Variants in COL6A5 observed in about 807,000 individuals in gnomAD.
The protein encoded by COL6A5 is collagen alpha-5(VI) chain.
A neutral mutation model predicts 65.6 loss-of-function variants in COL6A5; 48 were observed. The observed-to-expected ratio is 0.73, with a 90% CI of 0.58 to 0.93. The LOEUF (loss-of-function observed/expected upper bound fraction) is 0.93. Ranked by LOEUF, COL6A5 falls within the 40% of genes least tolerant of loss-of-function variation. The pLI is 0.00. For missense variants in COL6A5, 914 were observed against 928.3 expected, an observed-to-expected ratio of 0.98 and a Z score of 0.20; for synonymous variants, 291 against 322.8, an observed-to-expected ratio of 0.90 and a Z score of 1.05.
intron 1 of COL6A5, among the ~76,000 whole-genome samples, chr3:130,438,728 C>T (rs1709097616): frequency 6.6e-6 from 1 of 152,144 alleles, no homozygotes; most frequent in Admixed American, 6.5e-5. Flanking sequence ...GGAGAGATAG[C>T]CTCCTCACCA....
chr3:130,393,810 C>T (rs970733854), intron 7 of COL6A5, among the ~76,000 whole-genome samples: 8 of 152,198 alleles, frequency 5.3e-5, no homozygotes, highest in Admixed American at 1.3e-4. Context: ...AACTCCCTTC[C>T]CACTTAGTGC....
rs192078755 is a variant in COL6A5, at chr3:130,450,841, A to T, written c.1333-4614A>T. Among the ~76,000 whole-genome samples the T allele has an allele frequency of 3.9e-5, 6 of 152,276 alleles. No individual in the cohort carries two copies. The East Asian group carries it at 1.2e-3, about 30-fold the overall frequency. Reference sequence around the variant, plus strand: ...TTGTTACTTGTTCTGTGGTGAGGGCATCAAAGTTTAATTGGGCATAAGTAT... The same window carrying T: ...TTGTTACTTGTTCTGTGGTGAGGGCTTCAAAGTTTAATTGGGCATAAGTAT... On this transcript the variant is annotated intron_variant, in intron 4 of 7. Transcript: ENST00000512836.
intron 1 of COL6A5, among the ~76,000 whole-genome samples, chr3:130,370,362 C>G (rs1444835619): frequency 1.3e-5 from 2 of 152,112 alleles, no homozygotes; most frequent in African/African-American, 4.8e-5. Context: ...GTTGAGCCAT[C>G]AAAGGACCAA....
chr3:130,376,897 C>T, intron 3 of COL6A5, 61 bp downstream of exon 3: 3 of 1,478,096 alleles, frequency 2.0e-6, no homozygotes, highest in Non-Finnish European at 2.7e-6. Context: ...TCTGTCCACT[C>T]TCACCTCTTG....
chr3:130,411,006 A>G (rs1937159168), intron 20 of COL6A5, among the ~76,000 whole-genome samples: 1 of 152,196 alleles, frequency 6.6e-6, no homozygotes, highest in Non-Finnish European at 1.5e-5. Context: ...CTAGGTAAAT[A>G]TACTTTCGCT....
At chr3:130,387,787 C>T (rs1413299879) in intron 5 of COL6A5, among the ~76,000 whole-genome samples, 1 of 151,684 alleles carries the variant, frequency 6.6e-6, no homozygotes, top group Non-Finnish European at 1.5e-5. Flanking sequence ...ATGCTAAAGA[C>T]AATATATTTG....
rs556322912 is a variant in COL6A5 at position 130,360,031 on chromosome 3, CA to C, written c.-28-13578del. 4.6e-4 allele frequency among the ~76,000 whole-genome samples: 70 copies of C among 151,862 alleles called. 1 individual carries two copies. Among genetic ancestry groups the C allele is most frequent in the African/African-American group, 1.6e-3 (68 of 41,410 alleles). On this transcript the variant is annotated intron_variant and NMD_transcript_variant, in intron 1 of 41. Coordinates refer to the COL6A5 transcript ENST00000312481. The stretch of plus-strand genomic sequence containing the variant: ...ACTACATCAGCTCAAAATTTTAAGA[CA>C]AGGAAAATTACCAAATAACCAATAT...
At chr3:130,457,979 T>C (rs926082597) in intron 5 of COL6A5, among the ~76,000 whole-genome samples, 1 of 152,160 alleles carries the variant, frequency 6.6e-6, no homozygotes, top group Non-Finnish European at 1.5e-5. Flanking sequence ...CTGAGCTTTC[T>C]GCTCTTAAAC....
At chr3:130,466,958 T>C (rs868245036) in intron 5 of COL6A5, among the ~76,000 whole-genome samples, 1 of 151,974 alleles carries the variant, frequency 6.6e-6, no homozygotes, top group South Asian at 2.1e-4. Context: ...GTAGTTCAAA[T>C]CTTCCCATAA....
chr3:130,394,582 T>C (rs1936526947), intron 7 of COL6A5, among the ~76,000 whole-genome samples: 1 of 152,204 alleles, frequency 6.6e-6, no homozygotes, highest in Non-Finnish European at 1.5e-5. Context: ...CGTCTACCCT[T>C]TATAATCACC....
intron 24 of COL6A5, among the ~76,000 whole-genome samples, chr3:130,417,129 C>T (rs1294078257): frequency 6.6e-6 from 1 of 151,930 alleles, no homozygotes; most frequent in African/African-American, 2.4e-5. Context: ...GTTCCCCTCT[C>T]TGTGTCTATG....
At chr3:130,388,793 C>G in exon 6 of COL6A5, 1 of 1,551,318 alleles carries the variant, frequency 6.4e-7, no homozygotes, top group Non-Finnish European at 8.7e-7. Context: ...CAAGAAATTT[C>G]TGATGCAATA....
chr3:130,405,563 T>C (rs184830029), intron 13 of COL6A5, 25 bp from the exon 14 acceptor site: 27 of 1,537,176 alleles, frequency 1.8e-5, no homozygotes, highest in Non-Finnish European at 2.3e-5. Flanking sequence ...TCACTTTGGG[T>C]ACCTGTCTGT....
chr3:130,360,522 G>A (rs906022479), intron 1 of COL6A5, among the ~76,000 whole-genome samples: 2 of 152,098 alleles, frequency 1.3e-5, no homozygotes, highest in African/African-American at 2.4e-5. Context: ...CAAACCAGTA[G>A]GAGTTTTATT....
exon 3 of COL6A5, chr3:130,440,524 A>C: frequency 6.2e-7 from 1 of 1,613,696 alleles, no homozygotes; most frequent in Non-Finnish European, 8.5e-7. Flanking sequence ...GTCGTGCCCT[A>C]CTGTGGACCA....
intron 13 of COL6A5, among the ~76,000 whole-genome samples, chr3:130,403,911 T>C (rs919579065): frequency 3.3e-5 from 5 of 152,200 alleles, no homozygotes; most frequent in African/African-American, 1.2e-4. Flanking sequence ...GTCTGAATGA[T>C]GAGGCAGTTA....
At chr3:130,481,764 T>C (rs1386145005) in intron 7 of COL6A5, among the ~76,000 whole-genome samples, 1 of 152,214 alleles carries the variant, frequency 6.6e-6, no homozygotes, top group African/African-American at 2.4e-5. Flanking sequence ...AGTATCTCAT[T>C]GTGGTTTTGA....
At chr3:130,451,223 T>C (rs898409326) in intron 4 of COL6A5, among the ~76,000 whole-genome samples, 3 of 152,122 alleles carry the variant, frequency 2.0e-5, no homozygotes, top group Admixed American at 2.0e-4. Context: ...AATCCACTTG[T>C]TTCTTTGTTT....
intron 5 of COL6A5, among the ~76,000 whole-genome samples, chr3:130,461,261 A>G (rs573115318): frequency 1.4e-4 from 22 of 152,092 alleles, no homozygotes; most frequent in African/African-American, 5.3e-4. Flanking sequence ...AAAAAGTGGC[A>G]TGCTTTGGGG....
Sources: gnomAD v4.1 joint callset for allele counts (sites outside exome capture counted in the v4.1 genomes callset) on GRCh38, gnomAD v4.1.1 for gene constraint, MANE v1.5 for transcripts, NCBI Gene and HGNC (gene_info 2026-07-23, HGNC 2026-07-21) for gene names.